The following ADGRL4 variants were observed in gnomAD, a reference collection of about 807,000 sequenced individuals.
ADGRL4 encodes adhesion G protein-coupled receptor L4.
ADGRL4 carries 90 observed loss-of-function variants against 74.8 expected under a neutral mutation model. The observed-to-expected ratio is 1.20, with a 90% CI of 1.02 to 1.43. The LOEUF is 1.43. Ranked by LOEUF, ADGRL4 falls within the 40% of genes most tolerant of loss-of-function variation. The probability of loss-of-function intolerance (pLI) is 0.00; values close to 1 mark genes in which losing one functional copy is unlikely to be tolerated. For missense variants in ADGRL4, 881 were observed against 814.3 expected (o/e 1.08, Z -1.00); for synonymous variants, 311 against 279.2 (o/e 1.11, Z -1.14).
intron 2 of ADGRL4, among the ~76,000 whole-genome samples, chr1:78,961,459 T>C (rs764567788): frequency 1.9e-4 from 29 of 152,160 alleles, no homozygotes; most frequent in Admixed American, 3.3e-4. Flanking sequence ...GGTAATGATC[T>C]GCTACTTTGA....
intron 2 of ADGRL4, among the ~76,000 whole-genome samples, chr1:78,989,790 A>T (rs1363761919): frequency 1.3e-5 from 2 of 151,974 alleles, no homozygotes; most frequent in Non-Finnish European, 2.9e-5. Flanking sequence ...ATCACTTATT[A>T]AAGCCTTTCT....
intron 2 of ADGRL4, among the ~76,000 whole-genome samples, chr1:78,981,224 T>TA (rs1650391738): frequency 6.6e-6 from 1 of 151,746 alleles, no homozygotes; most frequent in Non-Finnish European, 1.5e-5. Flanking sequence ...TATCAACTGA[T>TA]TAATGAAATG....
chr1:78,959,628 CT>C (rs1488432505), intron 2 of ADGRL4, among the ~76,000 whole-genome samples: 1 of 152,090 alleles, frequency 6.6e-6, no homozygotes, highest in Admixed American at 6.6e-5. Flanking sequence ...ATCTTGTTTT[CT>C]TTTTTAATAG....
chr1:78,988,550 T>C (rs1453295733), intron 2 of ADGRL4, among the ~76,000 whole-genome samples: 2 of 151,890 alleles, frequency 1.3e-5, no homozygotes, highest in African/African-American at 4.8e-5. Flanking sequence ...TACATTTCCA[T>C]ACAAATCTAT....
chr1:78,929,182 C>T (rs779619196), intron 7 of ADGRL4, among the ~76,000 whole-genome samples: 1 of 151,332 alleles, frequency 6.6e-6, no homozygotes, highest in Non-Finnish European at 1.5e-5. Context: ...ACCCTTCCTC[C>T]TTACTCTTCT....
At chr1:78,917,056 G>C (rs1039255737) in intron 12 of ADGRL4, among the ~76,000 whole-genome samples, 1 of 151,806 alleles carries the variant, frequency 6.6e-6, no homozygotes, top group Non-Finnish European at 1.5e-5. Context: ...TGACTTGTCT[G>C]TTCATGAGAA....
intron 7 of ADGRL4, among the ~76,000 whole-genome samples, chr1:78,930,694 C>A (rs1168441011): frequency 2.0e-5 from 3 of 151,060 alleles, no homozygotes; most frequent in African/African-American, 7.4e-5. Flanking sequence ...CATGATCCAC[C>A]CACTTTGGAC....
Position 78,917,891 on chromosome 1 carries a change from G to C in ADGRL4, c.1621C>G (p.Pro541Ala). The C allele has an allele frequency of 6.2e-7, 1 of 1,612,406 alleles. No homozygotes were observed. Among genetic ancestry groups the C allele is most frequent in the Non-Finnish European group, 8.5e-7 (1 of 1,179,054 alleles). The change falls in exon 11 of 15, where the codon CCA becomes GCA. Residue 541 changes from proline to alanine, a missense_variant. Transcript: ENST00000370742. ...KNFYIFGYLS[P>A]AVVVGFSAAL... is the part of the protein sequence containing the mutation. ...GCCGAAAATCCAACTACCACGGCTG[G>C]GCTTAGATAGCCAAAGATATAAAAA...
At chr1:78,908,345 C>A (rs955491982) in intron 12 of ADGRL4, among the ~76,000 whole-genome samples, 3 of 151,988 alleles carry the variant, frequency 2.0e-5, no homozygotes, top group African/African-American at 7.2e-5. Context: ...AAGGTTTTGT[C>A]TGTTAGCTAC....
At chr1:78,907,760 A>G (rs1451199778) in intron 12 of ADGRL4, among the ~76,000 whole-genome samples, 2 of 151,936 alleles carry the variant, frequency 1.3e-5, no homozygotes, top group Non-Finnish European at 2.9e-5. Flanking sequence ...AGGTACATAG[A>G]ACCTCTTAGG....
At chr1:78,906,717 G>C (rs978866923) in intron 12 of ADGRL4, among the ~76,000 whole-genome samples, 2 of 151,866 alleles carry the variant, frequency 1.3e-5, no homozygotes, top group Admixed American at 6.6e-5. Context: ...CATTTCAAAG[G>C]AAGTTTATAA....
At chr1:78,951,286 T>C (rs1410023752) in intron 2 of ADGRL4, among the ~76,000 whole-genome samples, 1 of 152,044 alleles carries the variant, frequency 6.6e-6, no homozygotes, top group African/African-American at 2.4e-5. Flanking sequence ...TTCTTACCAA[T>C]CAAGTGATAA....
chr1:78,892,635 AAATAGTCCTTGGTT>A (rs1648307494), intron 13 of ADGRL4, among the ~76,000 whole-genome samples: 1 of 152,130 alleles, frequency 6.6e-6, no homozygotes. Flanking sequence ...CAAGCAACAC[AAATAGTCCTTGGTT>A]TCCAGTGTTC....
At chr1:78,956,382 A>G (rs951150945) in intron 2 of ADGRL4, among the ~76,000 whole-genome samples, 5 of 152,166 alleles carry the variant, frequency 3.3e-5, no homozygotes, top group African/African-American at 1.2e-4. Context: ...AGTCGTTCAT[A>G]GAGATTTGAC....
At chr1:78,975,626 T>G (rs980131688) in intron 2 of ADGRL4, among the ~76,000 whole-genome samples, 1 of 151,918 alleles carries the variant, frequency 6.6e-6, no homozygotes, top group African/African-American at 2.4e-5. Flanking sequence ...TATCTTGATA[T>G]TTACATGAAT....
chr1:78,950,386 A>G (rs1038039521), intron 2 of ADGRL4, among the ~76,000 whole-genome samples: 2 of 152,148 alleles, frequency 1.3e-5, no homozygotes, highest in Non-Finnish European at 2.9e-5. Flanking sequence ...TGAAACCGAG[A>G]AAACGCTTGC....
chr1:78,940,551 A>G (rs978629836), intron 3 of ADGRL4, among the ~76,000 whole-genome samples: 2 of 152,144 alleles, frequency 1.3e-5, no homozygotes, highest in Admixed American at 1.3e-4. Flanking sequence ...ATCTGCCACT[A>G]GAGAAAAGAT....
chr1:78,966,118 T>C (rs958342068), intron 2 of ADGRL4, among the ~76,000 whole-genome samples: 4 of 152,146 alleles, frequency 2.6e-5, no homozygotes, highest in African/African-American at 9.6e-5. Context: ...TTGAATTTTA[T>C]TGAGATAGCC....
intron 7 of ADGRL4, among the ~76,000 whole-genome samples, chr1:78,929,107 A>G (rs1649183300): frequency 6.6e-6 from 1 of 151,596 alleles, no homozygotes; most frequent in African/African-American, 2.4e-5. Context: ...TCTTAACAAA[A>G]GTCTATTATC....
Sources: gnomAD v4.1 joint callset for allele counts (sites outside exome capture counted in the v4.1 genomes callset) on GRCh38, gnomAD v4.1.1 for gene constraint, MANE v1.5 for transcripts, NCBI Gene and HGNC (gene_info 2026-07-23, HGNC 2026-07-21) for gene names.